Variants in PCDHGA11 observed in about 807,000 individuals in gnomAD.
PCDHGA11 encodes the protein protocadherin gamma subfamily A, 11.
A neutral mutation model predicts 60.4 loss-of-function variants in PCDHGA11; 39 were observed. The ratio of observed to expected loss-of-function variants is 0.65; its 90% CI spans 0.50 to 0.84. The LOEUF (loss-of-function observed/expected upper bound fraction) is 0.84, where lower values mean the gene tolerates loss of function less well. Ranked by LOEUF, PCDHGA11 falls within the 40% of genes least tolerant of loss-of-function variation. PCDHGA11 has a pLI of 0.00. For synonymous variants in PCDHGA11, 533 were observed against 510.3 expected (o/e 1.04, Z -0.60); for missense variants, 1,165 against 1,197.7 (o/e 0.97, Z 0.40).
At chr5:141,442,417 T>A (rs2098323611) in intron 1 of PCDHGA11, 1 of 152,152 alleles carries the variant, frequency 6.6e-6, no homozygotes, top group Non-Finnish European at 1.5e-5. Flanking sequence ...TGAGTGAACT[T>A]CTTTTTTGAA....
At chr5:141,509,551 C>T (rs2099877337) in intron 3 of PCDHGA11, among the ~76,000 whole-genome samples, 1 of 152,164 alleles carries the variant, frequency 6.6e-6, no homozygotes, top group South Asian at 2.1e-4. Context: ...CTCATTTAGT[C>T]CTCACAGCAG....
chr5:141,422,588 C>A lies in PCDHGA11; in HGVS notation c.1361C>A (p.Pro454His). The change falls in exon 1 of 4, where the codon CCT becomes CAT. Residue 454 changes from proline (P) to histidine (H), a missense_variant. Physicochemically the swap from Pro to His is moderately conservative, Grantham distance 77. Transcript: ENST00000398587. ...ADDNDNPPVF[P>H]HSSYSAYIPE... ...GACAACGATAACCCTCCCGTTTTTC[C>A]TCACTCCTCTTACTCTGCCTACATT... The A allele has an allele frequency of 6.2e-7, 1 of 1,614,056 alleles. No individual in the cohort carries two copies. Among genetic ancestry groups the A allele is most frequent in the South Asian group, 1.1e-5 (1 of 91,066 alleles).
intron 1 of PCDHGA11, chr5:141,427,369 C>T (rs1333238163): frequency 4.4e-6 from 2 of 457,834 alleles, no homozygotes; most frequent in Non-Finnish European, 8.8e-6. Flanking sequence ...GAACCCTGGA[C>T]GGTGATCACT....
At chr5:141,504,429 G>T (rs947508365) in intron 2 of PCDHGA11, among the ~76,000 whole-genome samples, 1 of 152,124 alleles carries the variant, frequency 6.6e-6, no homozygotes, top group Non-Finnish European at 1.5e-5. Context: ...CACTACAACA[G>T]CTGCAGTGTG....
chr5:141,501,323 A>G (rs2099807887), intron 2 of PCDHGA11, among the ~76,000 whole-genome samples: 1 of 151,850 alleles, frequency 6.6e-6, no homozygotes, highest in East Asian at 1.9e-4. Flanking sequence ...ACACACACAC[A>G]CACACACACA....
intron 1 of PCDHGA11, among the ~76,000 whole-genome samples, chr5:141,450,006 CTTTTT>C (rs1554136305): frequency 1.5e-5 from 2 of 132,980 alleles, no homozygotes; most frequent in African/African-American, 2.8e-5. Flanking sequence ...TGCCATGTCT[CTTTTT>C]TTTTTTTTTT....
Position 141,431,349 on chromosome 5 carries a change from A to G in PCDHGA11, c.2433+7689A>G. 1.2e-6 allele frequency: 2 copies of G among 1,614,026 alleles called. No individual in the cohort carries two copies. The highest frequency in any genetic ancestry group is 4.5e-5 in the East Asian group (2 of 44,874). On this transcript the variant is annotated intron_variant, in intron 1 of 3. Coordinates refer to ENST00000398587, the MANE Select transcript of PCDHGA11 (RefSeq NM_018914.3). This position sits in a 1 kb window ranked among gnomAD's most constrained non-coding sequence, Gnocchi z 4.8. ...AGTAAGTACCCCGAATTGGTGCTGAAACGCGCCCTGGACCGCGAAGAAAAG... is the reference window on the plus strand; with the variant it reads ...AGTAAGTACCCCGAATTGGTGCTGAGACGCGCCCTGGACCGCGAAGAAAAG...
At chr5:141,508,830 C>G (rs1320903059) in intron 3 of PCDHGA11, among the ~76,000 whole-genome samples, 2 of 152,150 alleles carry the variant, frequency 1.3e-5, no homozygotes, top group Non-Finnish European at 2.9e-5. Flanking sequence ...CTGGGCCCCC[C>G]TCCCCTACCC....
At chr5:141,472,884 G>A (rs1426207609) in intron 1 of PCDHGA11, among the ~76,000 whole-genome samples, 2 of 151,610 alleles carry the variant, frequency 1.3e-5, no homozygotes, top group African/African-American at 4.8e-5. Flanking sequence ...TACTCGGGAG[G>A]CTGAGGCAGG....
chr5:141,446,639 G>C (rs1461520959), intron 1 of PCDHGA11, among the ~76,000 whole-genome samples: 1 of 152,116 alleles, frequency 6.6e-6, no homozygotes, highest in Non-Finnish European at 1.5e-5. Context: ...ACCACGCCTG[G>C]CTAATTTTTG....
At position 141,489,861 on chromosome 5, in the gene PCDHGA11, A is replaced by G. The variant is rs1221756350; in HGVS notation, c.2434-4946A>G. The G allele has an allele frequency of 1.2e-5, 19 of 1,614,058 alleles. No individual in the cohort carries two copies. Among genetic ancestry groups the G allele is most frequent in the Non-Finnish European group, 1.5e-5 (18 of 1,179,998 alleles). On this transcript the variant is annotated intron_variant, in intron 1 of 3. Transcript: ENST00000398587. The surrounding 1 kb of genome is among the most constrained non-coding windows in gnomAD (Gnocchi z 4.5). ...AGCTGGATCGTGAAGCCCAGGCAAGACATCAGCTGGTGCTTACTGCTGTGG... is the reference window on the plus strand; with the variant it reads ...AGCTGGATCGTGAAGCCCAGGCAAGGCATCAGCTGGTGCTTACTGCTGTGG...
At position 141,486,783 on chromosome 5, in the gene PCDHGA11, C is replaced by A. The variant is rs905423670; in HGVS notation, c.2434-8024C>A. ...CAGACACTGCAGTTTGAGGTGCAGG[C>A]CCGGGATCGGGGCAACCCACCCCTT... On this transcript the variant is annotated intron_variant, in intron 1 of 3. Transcript: ENST00000398587. The surrounding 1 kb of genome is among the most constrained non-coding windows in gnomAD (Gnocchi z 5.0). 6.2e-7 allele frequency: 1 copy of A among 1,614,102 alleles called. No homozygotes were observed.
chr5:141,468,903 C>T (rs1265804352), intron 1 of PCDHGA11, among the ~76,000 whole-genome samples: 1 of 151,614 alleles, frequency 6.6e-6, no homozygotes, highest in Non-Finnish European at 1.5e-5. Context: ...CTAATATGAT[C>T]CAGACTAGAA....
chr5:141,422,535 A>T lies in PCDHGA11; in HGVS notation c.1308A>T (p.Glu436Asp), dbSNP rs760963618. Residue 436 changes from glutamate to aspartate, a missense_variant, in exon 1 of 4, where the codon GAA (glutamate) becomes GAT (aspartate). Glu to Asp is a conservative substitution (Grantham distance 45). Transcript: ENST00000398587. ...TDQGSPPLSA[E>D]THVWLNVADD... is the part of the protein sequence containing the mutation. ...AGGGAAGCCCGCCTTTGTCTGCAGA[A>T]ACTCATGTCTGGCTGAATGTGGCAG... 20 of 1,613,826 alleles carry T rather than the reference A, an allele frequency of 1.2e-5. 1 individual carries two copies. Among genetic ancestry groups the T allele is most frequent in the Non-Finnish European group, 8.5e-7 (1 of 1,179,882 alleles).
At chr5:141,447,636 T>C (rs772671166) in intron 1 of PCDHGA11, among the ~76,000 whole-genome samples, 49 of 152,136 alleles carry the variant, frequency 3.2e-4, no homozygotes, top group Non-Finnish European at 5.3e-4. Context: ...ACAGTATGAA[T>C]GATGGTAGAA....
intron 1 of PCDHGA11, chr5:141,426,871 A>G (rs887250057): frequency 2.2e-6 from 1 of 456,722 alleles, no homozygotes; most frequent in Non-Finnish European, 4.4e-6. Flanking sequence ...GTGCTGGAGA[A>G]GCCCCTGGGC....
In PCDHGA11 at chr5:141,487,258, G is replaced by T. The variant is rs368598017; in HGVS notation, c.2434-7549G>T. On this transcript the variant is annotated intron_variant, in intron 1 of 3. Transcript: ENST00000398587. The surrounding 1 kb of genome is among the most constrained non-coding windows in gnomAD (Gnocchi z 5.0). ...CTCGTCTAACCCTCTACTTGGCTGT[G>T]TCCCTAGTGGCAATTTGCTTTGTCT... 1.5e-4 allele frequency: 240 copies of T among 1,614,026 alleles called. 1 individual carries two copies. The highest frequency in any genetic ancestry group is 3.3e-5 in the Admixed American group (2 of 60,004).
chr5:141,506,415 C>T lies in PCDHGA11; in HGVS notation c.2581+934C>T, dbSNP rs2099853185. 2.0e-5 allele frequency among the ~76,000 whole-genome samples: 3 copies of T among 148,290 alleles called. No homozygotes were observed. The South Asian group carries it at 6.4e-4, about 32-fold the overall frequency. On this transcript the variant is annotated intron_variant, in intron 3 of 3. Coordinates refer to ENST00000398587, the MANE Select transcript of PCDHGA11 (RefSeq NM_018914.3). ...GAGCAGAAAATCGCACCACTGCACT[C>T]CAGCCTGGGCAACAGTCTCGCTCTG...
At chr5:141,464,263 TAA>T (rs35224477) in intron 1 of PCDHGA11, among the ~76,000 whole-genome samples, 15 of 103,552 alleles carry the variant, frequency 1.4e-4, no homozygotes, top group Admixed American at 3.2e-4. Context: ...AGACTCCGTC[TAA>T]AAAAAAAAAA....
Sources: gnomAD v4.1 joint callset for allele counts (sites outside exome capture counted in the v4.1 genomes callset) on GRCh38, gnomAD v4.1.1 for gene constraint, Gnocchi (gnomAD v3.1) non-coding constraint, MANE v1.5 for transcripts, NCBI Gene and HGNC (gene_info 2026-07-23, HGNC 2026-07-21) for gene names.